The following SUCO variants were observed in gnomAD, a reference collection of about 807,000 sequenced individuals.
SUCO encodes SUN domain-containing ossification factor.
In SUCO, 57 loss-of-function variants were observed where a neutral mutation model predicts 148.1. The ratio of observed to expected loss-of-function variants is 0.38; its 90% CI spans 0.31 to 0.48. The LOEUF (loss-of-function observed/expected upper bound fraction) is 0.48, where lower values mean the gene tolerates loss of function less well. Ranked by LOEUF, SUCO falls within the 20% of genes least tolerant of loss-of-function variation. The pLI is 0.96. For synonymous variants in SUCO, 470 were observed against 502.7 expected, an observed-to-expected ratio of 0.93 and a Z score of 0.87; for missense variants, 1,331 against 1,468.2, an observed-to-expected ratio of 0.91 and a Z score of 1.53.
intron 10 of SUCO, chr1:172,574,759 C>A: frequency 3.5e-6 from 1 of 286,580 alleles, no homozygotes; most frequent in Non-Finnish European, 5.2e-6. Flanking sequence ...CTTTATGGAA[C>A]TGTTATTTTG....
intron 6 of SUCO, among the ~76,000 whole-genome samples, chr1:172,563,066 T>TC (rs558531185): frequency 1.3e-5 from 2 of 151,856 alleles, no homozygotes; most frequent in Non-Finnish European, 2.9e-5. Flanking sequence ...TAACCATGCT[T>TC]CCTGTACAAC....
intron 16 of SUCO, 51 bp downstream of exon 16, chr1:172,585,137 T>C: frequency 7.4e-7 from 1 of 1,349,162 alleles, no homozygotes; most frequent in South Asian, 1.4e-5. Flanking sequence ...CCAGGGATCC[T>C]TATATTTAGG....
At chr1:172,582,790 G>A (rs1482736869) in intron 15 of SUCO, among the ~76,000 whole-genome samples, 1 of 152,116 alleles carries the variant, frequency 6.6e-6, no homozygotes, top group Non-Finnish European at 1.5e-5. Flanking sequence ...AATGGGCTGA[G>A]AAGAAATTTG....
rs558799983 is a variant in SUCO, at chr1:172,568,773, G to A, written c.733-246G>A. On this transcript the variant is annotated intron_variant, in intron 6 of 23. Coordinates refer to ENST00000263688, the MANE Select transcript of SUCO (RefSeq NM_014283.5). The stretch of plus-strand genomic sequence containing the variant: ...AGTTTTATAAATTATTTTTTTCAAC[G>A]ACCTATGCTTATATCACTTAACAAG... Among the ~76,000 whole-genome samples the A allele has an allele frequency of 6.6e-5, 10 of 152,042 alleles. No homozygotes were observed. In the South Asian group the frequency reaches 8.3e-4, roughly 13 times the overall value.
At chr1:172,588,577 T>C in intron 17 of SUCO, 183 bp from the exon 18 acceptor site, 7 of 985,196 alleles carry the variant, frequency 7.1e-6, no homozygotes, top group Non-Finnish European at 8.4e-6. Context: ...TCTCTTATCA[T>C]TTCTGAGCAG....
At chr1:172,550,289 T>C (rs1018025173) in intron 1 of SUCO, among the ~76,000 whole-genome samples, 8 of 152,014 alleles carry the variant, frequency 5.3e-5, no homozygotes, top group African/African-American at 1.9e-4. Context: ...AAATTGACAC[T>C]TTTTCCAAGT....
intron 6 of SUCO, among the ~76,000 whole-genome samples, chr1:172,562,280 T>C (rs1654216771): frequency 6.6e-6 from 1 of 152,142 alleles, no homozygotes; most frequent in Admixed American, 6.5e-5. Context: ...AAAGCAAAAT[T>C]TCTGGTAATT....
At position 172,533,212 on chromosome 1, in the gene SUCO, G is replaced by C. The variant is rs1259764151; in HGVS notation, c.-224G>C. 5.7e-5 allele frequency: 87 copies of C among 1,520,452 alleles called. 1 individual carries two copies. The Admixed American group carries it at 1.8e-3, about 32-fold the overall frequency. 94.2% of individuals were successfully genotyped at this position (1,520,452 alleles called of 1,614,324 possible). On this transcript the variant is annotated 5_prime_UTR_variant, in exon 1 of 24. Transcript: ENST00000263688. ...ACGAGCCGGTGGCTGCAGCGGCGGC[G>C]GTCCCCGGAGTCCTGTGAAGCGCCC...
In SUCO at chr1:172,541,376, G is replaced by A. The variant is rs78262452; in HGVS notation, c.62+7879G>A. On this transcript the variant is annotated intron_variant, in intron 1 of 23. Coordinates refer to ENST00000263688, the MANE Select transcript of SUCO (RefSeq NM_014283.5). ...GGATATGCATAGGTGATATGCAAAT[G>A]CCATTTTATGTAAGAGACTGGAGCA... 2.0e-4 allele frequency among the ~76,000 whole-genome samples: 31 copies of A among 152,332 alleles called. No individual in the cohort carries two copies. In the East Asian group the frequency reaches 6.0e-3, roughly 29 times the overall value.
chr1:172,558,291 G>T (rs1653891515), intron 6 of SUCO, among the ~76,000 whole-genome samples: 1 of 152,106 alleles, frequency 6.6e-6, no homozygotes, highest in African/African-American at 2.4e-5. Flanking sequence ...TTAAGGCAGG[G>T]CTTATCACAG....
intron 6 of SUCO, 138 bp from the exon 7 acceptor site, chr1:172,568,881 C>T (rs997882121): frequency 7.6e-5 from 63 of 832,054 alleles, no homozygotes; most frequent in Non-Finnish European, 9.2e-5. Context: ...TTTCTTTTTA[C>T]GTTTTTTATT....
At chr1:172,551,457 T>A (rs1653289827) in intron 1 of SUCO, 55 bp from the exon 2 acceptor site, 2 of 1,195,288 alleles carry the variant, frequency 1.7e-6, no homozygotes, top group African/African-American at 3.1e-5. Context: ...ACAACTTTTC[T>A]TCTTTCTTTC....
intron 9 of SUCO, among the ~76,000 whole-genome samples, chr1:172,571,251 G>C (rs1286107664): frequency 6.6e-6 from 1 of 152,230 alleles, no homozygotes; most frequent in Non-Finnish European, 1.5e-5. Flanking sequence ...GGTGGAGACG[G>C]GGTTTCGCTG....
intron 8 of SUCO, 45 bp downstream of exon 8, chr1:172,570,216 AC>A: frequency 8.3e-7 from 1 of 1,204,010 alleles, no homozygotes; most frequent in Non-Finnish European, 1.1e-6. Context: ...GAAATTAACG[AC>A]TTTTTAAAAT....
rs1425666256 is a variant in SUCO, at chr1:172,557,384, T to C, written c.548T>C (p.Ile183Thr). ...VGEALDASAP[I>T]EQPSFVSPPD... ...GAGGCCCTTGATGCTAGTGCTCCAATTGAACAACCTTCCTTTGTCAGTCCA... is the reference window on the plus strand; with the variant it reads ...GAGGCCCTTGATGCTAGTGCTCCAACTGAACAACCTTCCTTTGTCAGTCCA... Residue 183 changes from isoleucine to threonine, a missense_variant, in exon 5 of 24, where the codon ATT (isoleucine) becomes ACT (threonine). Physicochemically the swap from Ile to Thr is moderately conservative, Grantham distance 89 (BLOSUM62 -1). Around this residue, in one of 3 missense-constraint regions of SUCO, gnomAD observed 992 missense variants for 1,093.5 expected, o/e 0.91. Coordinates refer to ENST00000263688, the MANE Select transcript of SUCO (RefSeq NM_014283.5). 1.2e-6 allele frequency: 2 copies of C among 1,613,940 alleles called. No homozygotes were observed. The highest frequency in any genetic ancestry group is 2.7e-5 in the African/African-American group (2 of 74,928).
At chr1:172,574,321 C>T (rs1009001994) in intron 10 of SUCO, among the ~76,000 whole-genome samples, 5 of 152,094 alleles carry the variant, frequency 3.3e-5, no homozygotes, top group African/African-American at 9.7e-5. Flanking sequence ...ACAACTCTGA[C>T]TTCAAAGTCC....
chr1:172,576,015 CTT>C (rs1331870057), intron 11 of SUCO, among the ~76,000 whole-genome samples: 2 of 151,840 alleles, frequency 1.3e-5, no homozygotes, highest in African/African-American at 4.8e-5. Flanking sequence ...ACCATTTCAT[CTT>C]TAACGTCCAC....
intron 9 of SUCO, among the ~76,000 whole-genome samples, chr1:172,572,143 C>T (rs1202622242): frequency 7.2e-6 from 1 of 138,772 alleles, no homozygotes; most frequent in African/African-American, 2.6e-5. Flanking sequence ...TGCCCGGCCG[C>T]CCCTACTGGG....
chr1:172,545,445 A>G (rs1249211913), intron 1 of SUCO, among the ~76,000 whole-genome samples: 2 of 152,236 alleles, frequency 1.3e-5, no homozygotes, highest in African/African-American at 4.8e-5. Context: ...AATAGTGAAC[A>G]GAAGCAGCAT....
Sources: allele counts gnomAD v4.1 joint callset (sites outside exome capture counted in the v4.1 genomes callset), GRCh38; gene constraint gnomAD v4.1.1; regional missense constraint gnomAD v4.1.1; transcripts MANE v1.5; gene names NCBI Gene and HGNC (gene_info 2026-07-23, HGNC 2026-07-21).